CMIP: variants seen among roughly 807,000 people sequenced by gnomAD.
The protein encoded by CMIP is c-Maf inducing protein.
In CMIP, 13 loss-of-function variants were observed where a neutral mutation model predicts 97.3. The observed-to-expected ratio is 0.13, with a 90% CI of 0.09 to 0.21. CMIP has a LOEUF of 0.21. Ranked by LOEUF, CMIP falls within the 10% of genes least tolerant of loss-of-function variation. CMIP has a pLI of 1.00. For missense variants in CMIP, 847 were observed against 1,024.9 expected (o/e 0.83, Z 2.37); for synonymous variants, 538 against 436.3 (o/e 1.23, Z -2.91).
At chr16:81,540,153 A>C (rs941621554) in intron 1 of CMIP, among the ~76,000 whole-genome samples, 4 of 152,220 alleles carry the variant, frequency 2.6e-5, no homozygotes, top group African/African-American at 9.6e-5. Context: ...AGACGAAGCA[A>C]GGGCCGAAAG....
Position 81,445,165 on chromosome 16 carries a change from G to T in CMIP, c.-77G>T. 1.1e-6 allele frequency: 1 copy of T among 935,606 alleles called. No individual in the cohort carries two copies. Among genetic ancestry groups the T allele is most frequent in the Non-Finnish European group, 1.4e-6 (1 of 692,364 alleles). The allele number at this position is 935,606 out of a possible 1,614,324, so 58.0% of individuals were successfully genotyped here. A position where few individuals can be genotyped will look rare whatever the true frequency, so the allele number is the denominator to read the frequency against. On this transcript the variant is annotated 5_prime_UTR_variant, in exon 1 of 21. Transcript: ENST00000537098. ...GGGGGTGGGGGGGTGCGGGCCGCCGGATCCGGGGGCCCCGCCGCCCCAGCA... is the reference window on the plus strand; with the variant it reads ...GGGGGTGGGGGGGTGCGGGCCGCCGTATCCGGGGGCCCCGCCGCCCCAGCA...
chr16:81,691,900 C>G, intron 11 of CMIP, 60 bp downstream of exon 11: 1 of 1,449,184 alleles, frequency 6.9e-7, no homozygotes, highest in East Asian at 2.3e-5. Flanking sequence ...CAGTTGTCCA[C>G]CAAGGCCTTA....
At chr16:81,682,128 C>G (rs913941363) in intron 10 of CMIP, among the ~76,000 whole-genome samples, 2 of 151,980 alleles carry the variant, frequency 1.3e-5, no homozygotes, top group Admixed American at 6.6e-5. Flanking sequence ...ATTTGAACCC[C>G]GGGGGGCGGA....
chr16:81,613,542 G>A (rs938567645), intron 2 of CMIP, among the ~76,000 whole-genome samples: 2 of 152,112 alleles, frequency 1.3e-5, no homozygotes, highest in South Asian at 2.1e-4. Context: ...TCTGTGAAAC[G>A]CACTCTAATA....
intron 1 of CMIP, among the ~76,000 whole-genome samples, chr16:81,593,043 G>A (rs1290210864): frequency 6.6e-6 from 1 of 152,220 alleles, no homozygotes; most frequent in Non-Finnish European, 1.5e-5. Flanking sequence ...GACTGGGGCT[G>A]GAGGGGTTTG....
chr16:81,625,612 T>C (rs1193224763), intron 3 of CMIP, among the ~76,000 whole-genome samples: 1 of 152,228 alleles, frequency 6.6e-6, no homozygotes. Flanking sequence ...GGCCTGTTTC[T>C]GTGTCCAGGG....
chr16:81,678,675 A>ACTGGGCTTTGCTGCTGGGTGCGG, intron 10 of CMIP, 47 bp downstream of exon 10: 2 of 898,190 alleles, frequency 2.2e-6, no homozygotes, highest in Non-Finnish European at 3.5e-6. Context: ...GTGGGAGGAG[A>ACTGGGCTTTGCTGCTGGGTGCGG]CTGGGCTTTG....
intron 1 of CMIP, among the ~76,000 whole-genome samples, chr16:81,560,587 C>T (rs771775606): frequency 1.3e-5 from 2 of 152,264 alleles, no homozygotes; most frequent in East Asian, 1.9e-4. Context: ...CAGTAGTGTA[C>T]GGCAATGTCT....
Position 81,461,016 on chromosome 16 carries a change from A to G in CMIP, c.300+15475A>G, listed in dbSNP as rs139245983. 6.0e-3 allele frequency among the ~76,000 whole-genome samples: 919 copies of G among 152,376 alleles called. 7 individuals carry two copies. Among genetic ancestry groups the G allele is most frequent in the Middle Eastern group, 0.014 (4 of 294 alleles). ...TAATCTGTGAAGGCTCAGGATGGGCAAGAGGTCCCGCCCAGGTTTGAGCCC... is the reference window on the plus strand; with the variant it reads ...TAATCTGTGAAGGCTCAGGATGGGCGAGAGGTCCCGCCCAGGTTTGAGCCC... On this transcript the variant is annotated intron_variant, in intron 1 of 20. Coordinates refer to ENST00000537098, the MANE Select transcript of CMIP (RefSeq NM_198390.3).
intron 1 of CMIP, among the ~76,000 whole-genome samples, chr16:81,526,752 C>T (rs2090141153): frequency 1.3e-5 from 2 of 152,186 alleles, no homozygotes; most frequent in African/African-American, 2.4e-5. Context: ...AGAGGTGCCC[C>T]CGGGAGGGGT....
intron 1 of CMIP, among the ~76,000 whole-genome samples, chr16:81,448,029 T>A (rs531802422): frequency 1.3e-5 from 2 of 152,362 alleles, no homozygotes; most frequent in African/African-American, 4.8e-5. Context: ...TTGAGAAATA[T>A]GAGCCCAAAT....
At chr16:81,691,539 A>G (rs1906075688) in intron 10 of CMIP, 2 of 580,270 alleles carry the variant, frequency 3.4e-6, no homozygotes. Context: ...GGGAATAGAC[A>G]GCTCACCCCC....
chr16:81,689,114 A>G (rs1264362165), intron 10 of CMIP, among the ~76,000 whole-genome samples: 1 of 152,234 alleles, frequency 6.6e-6, no homozygotes, highest in African/African-American at 2.4e-5. Context: ...GCTGCAATCA[A>G]TATACATGTG....
intron 1 of CMIP, among the ~76,000 whole-genome samples, chr16:81,575,591 C>G (rs550372059): frequency 1.3e-5 from 2 of 152,296 alleles, no homozygotes; most frequent in East Asian, 3.9e-4. Context: ...CCAACACCCC[C>G]AGGACAACTC....
chr16:81,687,508 A>C (rs1221510618), intron 10 of CMIP, among the ~76,000 whole-genome samples: 1 of 152,200 alleles, frequency 6.6e-6, no homozygotes. Flanking sequence ...GGAACTGGTT[A>C]TAAACACAGT....
chr16:81,700,862 T>A (rs549656438), intron 15 of CMIP, among the ~76,000 whole-genome samples: 1 of 151,068 alleles, frequency 6.6e-6, no homozygotes, highest in Admixed American at 6.6e-5. Flanking sequence ...TGGGAAGGAG[T>A]TTGGATTTAA....
intron 3 of CMIP, among the ~76,000 whole-genome samples, chr16:81,637,008 G>C (rs767303671): frequency 2.6e-5 from 4 of 152,178 alleles, no homozygotes; most frequent in Admixed American, 6.5e-5. Flanking sequence ...GTTTGCTGTT[G>C]CACTGTGGGG....
At chr16:81,477,140 G>A (rs2150752775) in intron 1 of CMIP, among the ~76,000 whole-genome samples, 1 of 152,196 alleles carries the variant, frequency 6.6e-6, no homozygotes. Flanking sequence ...TACACATCGG[G>A]CTTGGAAATG....
intron 1 of CMIP, among the ~76,000 whole-genome samples, chr16:81,500,256 G>GTCCTTCCTTCCGTCCGTCCGTCCT (rs2089573766): frequency 7.3e-5 from 8 of 109,678 alleles, no homozygotes; most frequent in African/African-American, 2.6e-4. Flanking sequence ...CCTTCCTTCC[G>GTCCTTCCTTCCGTCCGTCCGTCCT]TCCTTCCTTC....
Sources: gnomAD v4.1 joint callset for allele counts (sites outside exome capture counted in the v4.1 genomes callset) on GRCh38, gnomAD v4.1.1 for gene constraint, MANE v1.5 for transcripts, NCBI Gene and HGNC (gene_info 2026-07-23, HGNC 2026-07-21) for gene names.